GHR: variants seen among roughly 807,000 people sequenced by gnomAD.
The protein encoded by GHR is growth hormone receptor.
GHR carries 35 observed loss-of-function variants against 67.1 expected under a neutral mutation model. That is an observed-to-expected ratio of 0.52 (90% CI 0.40 to 0.69). GHR has a LOEUF of 0.69. Among genes scored for constraint, GHR ranks in the 30% least tolerant of loss-of-function variants. The pLI is 0.00. For missense variants in GHR, 792 were observed against 764.6 expected (o/e 1.04, Z -0.42); for synonymous variants, 272 against 269.1 (o/e 1.01, Z -0.10).
intron 1 of GHR, among the ~76,000 whole-genome samples, chr5:42,524,033 T>A (rs1747591610): frequency 6.6e-6 from 1 of 152,204 alleles, no homozygotes; most frequent in Non-Finnish European, 1.5e-5. Context: ...CAGTTTCTGG[T>A]ACGTCTTTAT....
At chr5:42,565,382 T>C in intron 1 of GHR, 6 of 867,206 alleles carry the variant, frequency 6.9e-6, no homozygotes, top group Non-Finnish European at 8.3e-6. Flanking sequence ...TTTTGAGTGG[T>C]TTGAGCTCTT....
chr5:42,558,029 A>G (rs1261258431), intron 1 of GHR, among the ~76,000 whole-genome samples: 1 of 152,238 alleles, frequency 6.6e-6, no homozygotes, highest in African/African-American at 2.4e-5. Context: ...AGGTATTTAC[A>G]TCACAGAAAT....
intron 1 of GHR, among the ~76,000 whole-genome samples, chr5:42,482,762 T>G (rs916995356): frequency 6.6e-6 from 1 of 152,170 alleles, no homozygotes; most frequent in Non-Finnish European, 1.5e-5. Flanking sequence ...GTGACCTGAT[T>G]TTCCAGGTGC....
chr5:42,435,815 C>A (rs1201842535), intron 1 of GHR, among the ~76,000 whole-genome samples: 1 of 152,176 alleles, frequency 6.6e-6, no homozygotes, highest in African/African-American at 2.4e-5. Flanking sequence ...TGGGCCCTCT[C>A]ATGTGTTAAA....
chr5:42,699,036 T>A (rs1297224644), intron 5 of GHR, among the ~76,000 whole-genome samples: 1 of 152,226 alleles, frequency 6.6e-6, no homozygotes, highest in Non-Finnish European at 1.5e-5. Flanking sequence ...AAGTTGTTCA[T>A]GTGACAGTCA....
chr5:42,719,215 G>A lies in GHR; in HGVS notation c.1708G>A (p.Glu570Lys), dbSNP rs1299193049. ...LNQEDIYITT[E>K]SLTTAAGRPG... ...CCAAGAGGACATTTACATCACCACAGAAAGCCTTACCACTGCTGCTGGGAG... is the reference window on the plus strand; with the variant it reads ...CCAAGAGGACATTTACATCACCACAAAAAGCCTTACCACTGCTGCTGGGAG... Residue 570 changes from glutamate to lysine, a missense_variant, in exon 10 of 10, where the codon GAA (glutamate) becomes AAA (lysine). Coordinates refer to ENST00000230882, the MANE Select transcript of GHR (RefSeq NM_000163.5). The A allele has an allele frequency of 6.2e-7, 1 of 1,614,084 alleles. No individual in the cohort carries two copies. Among genetic ancestry groups the A allele is most frequent in the South Asian group, 1.1e-5 (1 of 91,076 alleles).
chr5:42,563,624 C>CAAAAAA lies in GHR; in HGVS notation c.-11-2219_-11-2214dup, dbSNP rs1168788232. 1.2e-3 allele frequency among the ~76,000 whole-genome samples: 53 copies of CAAAAAA among 45,086 alleles called. 1 individual carries two copies. The highest frequency in any genetic ancestry group is 2.6e-3 in the African/African-American group (30 of 11,722). 29.6% of individuals were successfully genotyped at this position (45,086 alleles called of 152,430 possible). ...TGGGCGACAGAGCGAGACTCCGTCTCAAAAAAAAAAAAAAAAAAAAAAAAA... is the reference window on the plus strand; with the variant it reads ...TGGGCGACAGAGCGAGACTCCGTCTCAAAAAAAAAAAAAAAAAAAAAAAAAAAAAAA... On this transcript the variant is annotated intron_variant, in intron 1 of 9. Transcript: ENST00000230882.
rs121909359 is a variant in GHR at position 42,688,921 on chromosome 5, C to A, written c.168C>A (p.Cys56Ter). Residue 56 changes from cysteine to a stop codon, truncating the protein, a stop_gained, in exon 4 of 10, where the codon TGC (cysteine) becomes TGA (stop). Transcript: ENST00000230882. LOFTEE classifies it high-confidence loss of function. Reference sequence around the variant, plus strand: ...CTAAGGAGCCTAAATTCACCAAGTGCCGTTCACCTGAGCGAGAGACTTTTT... The same window carrying A: ...CTAAGGAGCCTAAATTCACCAAGTGACGTTCACCTGAGCGAGAGACTTTTT... Reference protein sequence around the residue: ...NSSKEPKFTKCRSPERETFSC... With the variant: ...NSSKEPKFTK 12 of 1,613,368 alleles carry A rather than the reference C, an allele frequency of 7.4e-6. No homozygotes were observed. Among genetic ancestry groups the A allele is most frequent in the Non-Finnish European group, 1.0e-5 (12 of 1,179,450 alleles).
chr5:42,717,024 G>A (rs1175422461), intron 8 of GHR, among the ~76,000 whole-genome samples: 1 of 152,178 alleles, frequency 6.6e-6, no homozygotes, highest in Non-Finnish European at 1.5e-5. Flanking sequence ...ATAAACTCCA[G>A]GCCAGATACA....
intron 3 of GHR, among the ~76,000 whole-genome samples, chr5:42,681,200 G>T (rs1756848521): frequency 6.6e-6 from 1 of 151,392 alleles, no homozygotes; most frequent in African/African-American, 2.4e-5. Context: ...GAAAATTTTT[G>T]CAATCCGCCC....
At chr5:42,565,748 C>A in intron 1 of GHR, 116 bp from the exon 2 acceptor site, 1 of 1,588,948 alleles carries the variant, frequency 6.3e-7, no homozygotes, top group South Asian at 1.1e-5. Flanking sequence ...TACCAGGATT[C>A]CTTCTGGAAC....
At chr5:42,433,565 TG>T (rs1743188445) in intron 1 of GHR, among the ~76,000 whole-genome samples, 1 of 152,054 alleles carries the variant, frequency 6.6e-6, no homozygotes, top group South Asian at 2.1e-4. Context: ...TGTACATTCA[TG>T]GTGTGATTAT....
At chr5:42,675,683 A>G (rs1756537037) in intron 3 of GHR, among the ~76,000 whole-genome samples, 1 of 152,250 alleles carries the variant, frequency 6.6e-6, no homozygotes, top group Non-Finnish European at 1.5e-5. Context: ...AAAATAAAAC[A>G]ACAAAAAGAA....
chr5:42,591,608 G>T (rs1251668773), intron 2 of GHR, among the ~76,000 whole-genome samples: 2 of 151,994 alleles, frequency 1.3e-5, no homozygotes, highest in Non-Finnish European at 2.9e-5. Context: ...GCATCTAAAA[G>T]CCTCCAAAGT....
chr5:42,556,975 C>T (rs1307206279), intron 1 of GHR, among the ~76,000 whole-genome samples: 1 of 152,136 alleles, frequency 6.6e-6, no homozygotes, highest in African/African-American at 2.4e-5. Context: ...TTGAGTTCTC[C>T]CAAGAAAAGT....
At chr5:42,701,691 A>G (rs945076352) in intron 6 of GHR, among the ~76,000 whole-genome samples, 13 of 152,188 alleles carry the variant, frequency 8.5e-5, no homozygotes, top group African/African-American at 3.1e-4. Flanking sequence ...TTTTTCGAAA[A>G]TTTGTGTCTC....
At position 42,424,391 on chromosome 5, in the gene GHR, T is replaced by C; in HGVS notation, c.-12+436T>C. 1 of 598,856 alleles carries C rather than the reference T, an allele frequency of 1.7e-6. No individual in the cohort carries two copies. Among genetic ancestry groups the C allele is most frequent in the Non-Finnish European group, 3.0e-6 (1 of 335,620 alleles). The allele number at this position is 598,856 out of a possible 1,614,324, so 37.1% of individuals were successfully genotyped here. A position where few individuals can be genotyped will look rare whatever the true frequency, so the allele number is the denominator to read the frequency against. On this transcript the variant is annotated intron_variant, in intron 1 of 9. Coordinates refer to ENST00000230882, the MANE Select transcript of GHR (RefSeq NM_000163.5). This position sits in a 1 kb window ranked among gnomAD's most constrained non-coding sequence, Gnocchi z 4.1. ...TTCTGTTTGCCATCATCTGCCTGGC[T>C]GCGGCAGGAACTGCCGAGGCTGCTG...
chr5:42,648,718 G>A (rs1261106200), intron 3 of GHR, among the ~76,000 whole-genome samples: 1 of 151,144 alleles, frequency 6.6e-6, no homozygotes, highest in Non-Finnish European at 1.5e-5. Flanking sequence ...TAGTAGTGGT[G>A]GTGGTAGTAA....
intron 1 of GHR, among the ~76,000 whole-genome samples, chr5:42,516,916 G>C (rs2112285536): frequency 6.6e-6 from 1 of 152,314 alleles, no homozygotes; most frequent in African/African-American, 2.4e-5. Flanking sequence ...GTTTGCACTT[G>C]AGTGCCAGAG....
Sources: allele counts gnomAD v4.1 joint callset (sites outside exome capture counted in the v4.1 genomes callset), GRCh38; gene constraint gnomAD v4.1.1; non-coding constraint Gnocchi (gnomAD v3.1); transcripts MANE v1.5; gene names NCBI Gene and HGNC (gene_info 2026-07-23, HGNC 2026-07-21).